Variants in SEMA5A observed in about 807,000 individuals in gnomAD.
The protein encoded by SEMA5A is semaphorin-5A.
SEMA5A carries 55 observed loss-of-function variants against 135.5 expected under a neutral mutation model. That is an observed-to-expected ratio of 0.41 (90% CI 0.33 to 0.51). The LOEUF (loss-of-function observed/expected upper bound fraction) is 0.51, where lower values mean the gene tolerates loss of function less well. Among genes scored for constraint, SEMA5A ranks in the 20% least tolerant of loss-of-function variants. SEMA5A has a pLI of 0.37. For synonymous variants in SEMA5A, 580 were observed against 546.5 expected (o/e 1.06, Z -0.85); for missense variants, 1,290 against 1,419.9 (o/e 0.91, Z 1.47).
At chr5:9,402,504 T>C (rs142632801) in intron 2 of SEMA5A, among the ~76,000 whole-genome samples, 3,020 of 152,140 alleles carry the variant, frequency 0.02, 48 homozygotes, top group Non-Finnish European at 0.03. Context: ...ACCATCTACC[T>C]GTCAAGGTTT....
chr5:9,416,225 A>G (rs1041176943), intron 2 of SEMA5A, among the ~76,000 whole-genome samples: 4 of 152,212 alleles, frequency 2.6e-5, no homozygotes, highest in African/African-American at 9.7e-5. Context: ...TATGTGCTCC[A>G]TCCTTTTACC....
At chr5:9,162,756 C>G (rs1302252172) in intron 11 of SEMA5A, among the ~76,000 whole-genome samples, 1 of 151,558 alleles carries the variant, frequency 6.6e-6, no homozygotes, top group Admixed American at 6.6e-5. Context: ...ACCTTTCAAA[C>G]AGTCAAAGAT....
intron 5 of SEMA5A, among the ~76,000 whole-genome samples, chr5:9,289,692 T>G (rs1750982773): frequency 6.6e-6 from 1 of 151,934 alleles, no homozygotes; most frequent in Non-Finnish European, 1.5e-5. Flanking sequence ...TCCAATTACA[T>G]CATTGGCTGT....
chr5:9,428,459 C>T (rs182974678), intron 2 of SEMA5A, among the ~76,000 whole-genome samples: 7 of 152,234 alleles, frequency 4.6e-5, no homozygotes, highest in African/African-American at 1.2e-4. Flanking sequence ...GAAGTGATAC[C>T]GAATCCTACA....
intron 17 of SEMA5A, among the ~76,000 whole-genome samples, chr5:9,065,576 G>A (rs889910074): frequency 6.6e-6 from 1 of 152,158 alleles, no homozygotes; most frequent in African/African-American, 2.4e-5. Flanking sequence ...TCTAAGAATG[G>A]CCACAAGATA....
intron 2 of SEMA5A, among the ~76,000 whole-genome samples, chr5:9,381,779 TAA>T (rs958634780): frequency 2.0e-5 from 3 of 152,062 alleles, no homozygotes; most frequent in South Asian, 2.1e-4. Context: ...CAAAATGTAA[TAA>T]AAGAGTGGTT....
At chr5:9,357,521 G>C (rs1017387375) in intron 3 of SEMA5A, among the ~76,000 whole-genome samples, 1 of 152,108 alleles carries the variant, frequency 6.6e-6, no homozygotes, top group African/African-American at 2.4e-5. Context: ...TTCTATTTTT[G>C]CTCCTCCCCA....
intron 8 of SEMA5A, among the ~76,000 whole-genome samples, chr5:9,212,240 T>G (rs1339625951): frequency 6.6e-6 from 1 of 152,252 alleles, no homozygotes; most frequent in African/African-American, 2.4e-5. Context: ...CCAACTTGAT[T>G]GCCAGTTTCT....
chr5:9,202,063 C>G lies in SEMA5A; in HGVS notation c.824G>C (p.Arg275Pro). ...TTCCCCAGGACGGGAGCAGTTCAGG[C>G]GAGCCTTCATGAATGTGGTCCAGGT... ...EDTWTTFMKA[R>P]LNCSRPGEVP... Residue 275 changes from arginine (R) to proline (P), a missense_variant, in exon 9 of 23, where the codon CGC becomes CCC. Arg to Pro is a moderately radical substitution (Grantham distance 103). This residue lies in a region of SEMA5A where 1,029 missense variants were observed against 1,086.6 expected (regional missense o/e 0.95). Transcript: ENST00000382496. The G allele has an allele frequency of 6.2e-7, 1 of 1,614,192 alleles. No homozygotes were observed. Among genetic ancestry groups the G allele is most frequent in the Non-Finnish European group, 8.5e-7 (1 of 1,180,042 alleles).
chr5:9,118,265 C>A (rs527771820), intron 15 of SEMA5A, among the ~76,000 whole-genome samples: 3 of 152,212 alleles, frequency 2.0e-5, no homozygotes, highest in South Asian at 2.1e-4. Flanking sequence ...TACTTGAATT[C>A]TTTCCCAATA....
At chr5:9,045,546 A>C (rs6555590) in intron 21 of SEMA5A, among the ~76,000 whole-genome samples, 2,867 of 152,306 alleles carry the variant, frequency 0.019, 34 homozygotes, top group Non-Finnish European at 0.027. Context: ...AACTATTATA[A>C]GCACTTTCTC....
At chr5:9,224,641 G>A in intron 8 of SEMA5A, 33 bp downstream of exon 8, 1 of 1,593,766 alleles carries the variant, frequency 6.3e-7, no homozygotes, top group Non-Finnish European at 8.6e-7. Context: ...AAAGACAAAT[G>A]AGGTGAGAAA....
chr5:9,313,230 G>C (rs918082064), intron 5 of SEMA5A, among the ~76,000 whole-genome samples: 1 of 152,154 alleles, frequency 6.6e-6, no homozygotes, highest in Non-Finnish European at 1.5e-5. Flanking sequence ...GAGGAAAATT[G>C]TAAAACAGTA....
chr5:9,469,750 TTTTGATGCTAGC>T (rs1384275111), intron 1 of SEMA5A, among the ~76,000 whole-genome samples: 1 of 152,186 alleles, frequency 6.6e-6, no homozygotes, highest in African/African-American at 2.4e-5. Context: ...GCAGAAATGT[TTTTGATGCTAGC>T]TTCAAGGCAA....
rs1408274666 is a variant in SEMA5A at position 9,041,486 on chromosome 5, T to TA, written c.*1410_*1411insT. The stretch of plus-strand genomic sequence containing the variant: ...TGGTTGTTTGTGAGAAAATTATATA[T>TA]TTTTTTCCAGGGACCTCTGTGAATG... On this transcript the variant is annotated 3_prime_UTR_variant, in exon 23 of 23. Transcript: ENST00000382496. The TA allele has an allele frequency of 1.3e-5, 2 of 152,186 alleles. No homozygotes were observed. The highest frequency in any genetic ancestry group is 4.8e-5 in the African/African-American group (2 of 41,424). The allele number at this position is 152,186 out of a possible 1,614,324, so 9.4% of individuals were successfully genotyped here.
intron 2 of SEMA5A, among the ~76,000 whole-genome samples, chr5:9,403,884 T>A (rs1483166147): frequency 1.3e-5 from 2 of 152,152 alleles, no homozygotes; most frequent in African/African-American, 4.8e-5. Context: ...TACATCCAAG[T>A]TCTAAGCCTC....
chr5:9,408,001 A>C (rs1303769417), intron 2 of SEMA5A, among the ~76,000 whole-genome samples: 1 of 151,022 alleles, frequency 6.6e-6, no homozygotes, highest in Non-Finnish European at 1.5e-5. Flanking sequence ...TGCCATCATC[A>C]CCATCACTAC....
At chr5:9,174,298 T>G (rs1448349359) in intron 11 of SEMA5A, among the ~76,000 whole-genome samples, 1 of 152,234 alleles carries the variant, frequency 6.6e-6, no homozygotes, top group African/African-American at 2.4e-5. Flanking sequence ...AGGTGGGAAC[T>G]GCAATATTGA....
chr5:9,111,833 C>A (rs2150162797), intron 15 of SEMA5A, among the ~76,000 whole-genome samples: 1 of 152,316 alleles, frequency 6.6e-6, no homozygotes, highest in African/African-American at 2.4e-5. Context: ...TTTCCTCTGA[C>A]CCTCTCCCTG....
Sources: gnomAD v4.1 joint callset for allele counts (sites outside exome capture counted in the v4.1 genomes callset) on GRCh38, gnomAD v4.1.1 for gene constraint, gnomAD v4.1.1 regional missense constraint, MANE v1.5 for transcripts, NCBI Gene and HGNC (gene_info 2026-07-23, HGNC 2026-07-21) for gene names.